MAP1A: variants seen among roughly 807,000 people sequenced by gnomAD.
MAP1A encodes the protein microtubule associated protein 1A.
In MAP1A, 42 loss-of-function variants were observed where a neutral mutation model predicts 185.9. That is an observed-to-expected ratio of 0.23 (90% CI 0.18 to 0.29). The LOEUF (loss-of-function observed/expected upper bound fraction) is 0.29. Ranked by LOEUF, MAP1A falls within the 10% of genes least tolerant of loss-of-function variation. The pLI, the probability that MAP1A is intolerant of heterozygous loss-of-function variation, is 1.00. For synonymous variants in MAP1A, 1,229 were observed against 1,335.9 expected (o/e 0.92, Z 1.74); for missense variants, 2,995 against 3,450.4 (o/e 0.87, Z 3.31).
chr15:43,517,067 G>T (rs778599676), upstream of MAP1A, among the ~76,000 whole-genome samples: 6 of 152,180 alleles, frequency 3.9e-5, no homozygotes, highest in Non-Finnish European at 8.8e-5. Context: ...CCTAAAATAA[G>T]ACTTATTTCT....
chr15:43,514,263 A>G (rs932837451), upstream of MAP1A, among the ~76,000 whole-genome samples: 2 of 152,228 alleles, frequency 1.3e-5, no homozygotes, highest in Non-Finnish European at 2.9e-5. Flanking sequence ...TGGTCTGTCT[A>G]TGTCACAGGA....
In MAP1A at chr15:43,526,285, C is replaced by G. The variant is rs1454861661; in HGVS notation, c.4812C>G (p.Val1604=). 8.1e-6 allele frequency: 13 copies of G among 1,614,016 alleles called. No homozygotes were observed. Among genetic ancestry groups the G allele is most frequent in the Non-Finnish European group, 1.1e-5 (13 of 1,180,046 alleles). Residue 1604 remains valine, a synonymous_variant, in exon 4 of 6, where the codon GTC becomes GTG. Transcript: ENST00000300231. This position sits in a 1 kb window ranked among gnomAD's most constrained non-coding sequence, Gnocchi z 4.7. The stretch of plus-strand genomic sequence containing the variant: ...TAGAGGAAAAATCCCCAGAAAAGGT[C>G]AAGGCCATGGAAGAGAAGTTAGAAG... The part of the protein sequence containing the change: ...KMLEEKSPEK[V]KAMEEKLEAL...
Position 43,524,023 on chromosome 15 carries a change from T to C in MAP1A, c.2550T>C (p.Ser850=), listed in dbSNP as rs956412180. The change falls in exon 4 of 6, where the codon TCT becomes TCC. Residue 850 remains serine (S), a synonymous_variant. Transcript: ENST00000300231. ...CCACATCAGTGGCTGAGGACCAATC[T>C]GTGGCCTCACTTACAGCTCCCCAGA... ...SFATSVAEDQ[S]VASLTAPQTE... 3 of 1,613,972 alleles carry C rather than the reference T, an allele frequency of 1.9e-6. No homozygotes were observed. Among genetic ancestry groups the C allele is most frequent in the Non-Finnish European group, 2.5e-6 (3 of 1,180,024 alleles).
rs778020902 is a variant in MAP1A, at chr15:43,524,534, C to T, written c.3061C>T (p.Pro1021Ser). 1.2e-6 allele frequency: 2 copies of T among 1,614,136 alleles called. No homozygotes were observed. Among genetic ancestry groups the T allele is most frequent in the Admixed American group, 3.3e-5 (2 of 60,014 alleles). The change falls in exon 4 of 6, where the codon CCC becomes TCC. Residue 1021 changes from proline (P) to serine (S), a missense_variant. Coordinates refer to ENST00000300231, the MANE Select transcript of MAP1A (RefSeq NM_002373.6). ...GTCCCCAGTGGAAGAAAAGTCTGAG[C>T]CCCAAGACTTTCAGGAGGCAGACTC... ...HQSPVEEKSE[P>S]QDFQEADSWG...
rs2079348354 is a variant in MAP1A, at chr15:43,527,195, G to A, written c.5722G>A (p.Asp1908Asn). The change falls in exon 4 of 6, where the codon GAC becomes AAC. Residue 1908 changes from aspartate to asparagine, a missense_variant. Physicochemically the swap from Asp to Asn is conservative, Grantham distance 23. This residue lies in a region of MAP1A where 2,728 missense variants were observed against 2,986.0 expected (regional missense o/e 0.91). Transcript: ENST00000300231. ...EGGPYSPLGK[D>N]YRKAEGEREE... ...TGGGCCATACTCCCCCCTGGGGAAG[G>A]ACTACCGCAAGGCTGAAGGGGAAAG... is the stretch of plus-strand genomic sequence containing the variant. The A allele has an allele frequency of 6.2e-7, 1 of 1,614,058 alleles. No homozygotes were observed. Among genetic ancestry groups the A allele is most frequent in the Non-Finnish European group, 8.5e-7 (1 of 1,179,994 alleles).
At chr15:43,518,871 G>A (rs962294197) in intron 1 of MAP1A, among the ~76,000 whole-genome samples, 7 of 152,204 alleles carry the variant, frequency 4.6e-5, no homozygotes, top group Non-Finnish European at 7.3e-5. Context: ...AGAGGCACAG[G>A]ATATAAACCA....
rs1317839687 is a variant in MAP1A, at chr15:43,523,745, G to A, written c.2272G>A (p.Glu758Lys). The A allele has an allele frequency of 6.2e-7, 1 of 1,614,046 alleles. No homozygotes were observed. Among genetic ancestry groups the A allele is most frequent in the Non-Finnish European group, 8.5e-7 (1 of 1,179,994 alleles). The change falls in exon 4 of 6, where the codon GAG (glutamate) becomes AAG (lysine). Residue 758 changes from glutamate (E) to lysine (K), a missense_variant. By Grantham distance (56) the Glu-to-Lys change is moderately conservative. Coordinates refer to ENST00000300231, the MANE Select transcript of MAP1A (RefSeq NM_002373.6). ...QTISDEEIHDEPEERPAPPRF... is the reference protein window; with the variant it reads ...QTISDEEIHDKPEERPAPPRF... ...CATCTCAGATGAGGAGATCCATGAT[G>A]AGCCGGAGGAGCGCCCAGCTCCACC...
intron 1 of MAP1A, among the ~76,000 whole-genome samples, chr15:43,520,384 G>A (rs959079748): frequency 6.6e-6 from 1 of 152,124 alleles, no homozygotes; most frequent in African/African-American, 2.4e-5. Flanking sequence ...AGAGGGATGG[G>A]GGCACAGGCA....
Position 43,526,811 on chromosome 15 carries a change from T to G in MAP1A, c.5338T>G (p.Leu1780Val). Residue 1780 changes from leucine (L) to valine (V), a missense_variant, in exon 4 of 6, where the codon TTG becomes GTG. Leu to Val is a conservative substitution (Grantham distance 32). Transcript: ENST00000300231. The surrounding 1 kb of genome is among the most constrained non-coding windows in gnomAD (Gnocchi z 4.7). ...ERWLAESPVG[L>V]PPEEEDKLTR... ...CTGGCTTGCTGAATCACCAGTTGGG[T>G]TGCCACCAGAGGAAGAGGACAAACT... The G allele has an allele frequency of 6.2e-7, 1 of 1,614,000 alleles. No individual in the cohort carries two copies. The highest frequency in any genetic ancestry group is 8.5e-7 in the Non-Finnish European group (1 of 1,179,970).
Position 43,528,099 on chromosome 15 carries a change from C to T in MAP1A, c.6626C>T (p.Pro2209Leu), listed in dbSNP as rs1421299075. 2.5e-6 allele frequency: 4 copies of T among 1,613,946 alleles called. No individual in the cohort carries two copies. The highest frequency in any genetic ancestry group is 3.4e-6 in the Non-Finnish European group (4 of 1,180,018). ...GCTCTGGCTCTGGCTCCAGGACCCC[C>T]CACCAGAACCCGGCATGATGAATAC... ...DRALALAPGP[P>L]TRTRHDEYLE... is the part of the protein sequence containing the mutation. The change falls in exon 4 of 6, where the codon CCC becomes CTC. Residue 2209 changes from proline (P) to leucine (L), a missense_variant. By Grantham distance (98) the Pro-to-Leu change is moderately conservative. Around this residue, in one of 3 missense-constraint regions of MAP1A, gnomAD observed 2,728 missense variants for 2,986.0 expected, o/e 0.91. Transcript: ENST00000300231.
rs753993861 is a variant in MAP1A, at chr15:43,524,609, G to A, written c.3136G>A (p.Glu1046Lys). Residue 1046 changes from glutamate to lysine, a missense_variant, in exon 4 of 6, where the codon GAG becomes AAG. This residue lies in a region of MAP1A where 2,728 missense variants were observed against 2,986.0 expected (regional missense o/e 0.91). Coordinates refer to ENST00000300231, the MANE Select transcript of MAP1A (RefSeq NM_002373.6). ...TPGVGKEDAA[E>K]ETVKPGPEEG... ...AGGTGTGGGCAAAGAAGATGCTGCT[G>A]AGGAGACAGTCAAGCCAGGGCCTGA... The A allele has an allele frequency of 6.2e-7, 1 of 1,614,166 alleles. No homozygotes were observed. Among genetic ancestry groups the A allele is most frequent in the East Asian group, 2.2e-5 (1 of 44,882 alleles).
chr15:43,523,569 T>C lies in MAP1A; in HGVS notation c.2096T>C (p.Phe699Ser), dbSNP rs769739356. ...GTAACTCCAAGGAGCCGGGAGGCTT[T>C]TGGGGGTCGGGAATTGGGACTCCAG... The part of the protein sequence containing the change: ...LKVTPRSREA[F>S]GGRELGLQGK... Residue 699 changes from phenylalanine to serine, a missense_variant, in exon 4 of 6, where the codon TTT (phenylalanine) becomes TCT (serine). Phe to Ser is a radical substitution (Grantham distance 155, BLOSUM62 -2). Transcript: ENST00000300231. 7 of 1,614,066 alleles carry C rather than the reference T, an allele frequency of 4.3e-6. No individual in the cohort carries two copies. Among genetic ancestry groups the C allele is most frequent in the Non-Finnish European group, 4.2e-6 (5 of 1,180,002 alleles).
chr15:43,513,281 C>T (rs1325522228), upstream of MAP1A, among the ~76,000 whole-genome samples: 2 of 151,490 alleles, frequency 1.3e-5, no homozygotes, highest in Non-Finnish European at 2.9e-5. Flanking sequence ...GAGCCAAGAT[C>T]GTGCCATTGC....
rs568161996 is a variant in MAP1A at position 43,522,181 on chromosome 15, G to C, written c.708G>C (p.Glu236Asp). ...KTGIVLPNGK[E>D]AEISVPYLTS... The stretch of plus-strand genomic sequence containing the variant: ...GCATCGTGCTGCCCAATGGGAAGGA[G>C]GCTGAGATCTCCGTGCCCTACCTTA... Residue 236 changes from glutamate to aspartate, a missense_variant, in exon 4 of 6, where the codon GAG becomes GAC. Physicochemically the swap from Glu to Asp is conservative, Grantham distance 45. This residue lies in a region of MAP1A where 264 missense variants were observed against 435.3 expected (regional missense o/e 0.61). Transcript: ENST00000300231. This position sits in a 1 kb window ranked among gnomAD's most constrained non-coding sequence, Gnocchi z 5.9. The C allele has an allele frequency of 7.4e-6, 12 of 1,614,270 alleles. No individual in the cohort carries two copies. The South Asian group carries it at 1.3e-4, about 18-fold the overall frequency.
chr15:43,530,648 T>G lies in MAP1A; in HGVS notation c.*424T>G. The G allele has an allele frequency of 5.4e-6, 1 of 185,728 alleles. No individual in the cohort carries two copies. The highest frequency in any genetic ancestry group is 1.3e-4 in the East Asian group (1 of 7,442). The allele number at this position is 185,728 out of a possible 1,614,324, so 11.5% of individuals were successfully genotyped here. A position where few individuals can be genotyped will look rare whatever the true frequency, so the allele number is the denominator to read the frequency against. On this transcript the variant is annotated 3_prime_UTR_variant, in exon 6 of 6. Coordinates refer to ENST00000300231, the MANE Select transcript of MAP1A (RefSeq NM_002373.6). The stretch of plus-strand genomic sequence containing the variant: ...CCTGGGAGGGATTTCCAATAGTAAT[T>G]TATGTGACCTGGGGCAGGATACCGT...
chr15:43,523,773 GAT>G lies in MAP1A; in HGVS notation c.2301_2302del (p.Arg767SerfsTer7). 3 of 1,614,098 alleles carry G rather than the reference GAT, an allele frequency of 1.9e-6. No individual in the cohort carries two copies. Among genetic ancestry groups the G allele is most frequent in the Non-Finnish European group, 2.5e-6 (3 of 1,180,018 alleles). ...CCGGAGGAGCGCCCAGCTCCACCCAGATTTCATACAAGTACATATGACCTGCC... is the reference window on the plus strand; with the variant it reads ...CCGGAGGAGCGCCCAGCTCCACCCAGTTCATACAAGTACATATGACCTGCC... On this transcript the variant is annotated frameshift_variant, in exon 4 of 6. Transcript: ENST00000300231. LOFTEE classifies it high-confidence loss of function.
Position 43,511,750 on chromosome 15 carries a change from G to C in MAP1A, c.239-440G>C, listed in dbSNP as rs560955303. Among the ~76,000 whole-genome samples the C allele has an allele frequency of 2.0e-5, 3 of 152,318 alleles. No individual in the cohort carries two copies. In the East Asian group the frequency reaches 5.8e-4, roughly 29 times the overall value. On this transcript the variant is annotated intron_variant, in intron 1 of 6. Transcript: ENST00000382031. The stretch of plus-strand genomic sequence containing the variant: ...CCTGTGGCTGTGGTGCAGTGCTGCG[G>C]AGCCACCTGCGGGTGGAAGCAAGCT...
Position 43,523,849 on chromosome 15 carries a change from T to C in MAP1A, c.2376T>C (p.Ser792=), listed in dbSNP as rs1450936400. 1 of 1,614,152 alleles carries C rather than the reference T, an allele frequency of 6.2e-7. No homozygotes were observed. The highest frequency in any genetic ancestry group is 1.1e-5 in the South Asian group (1 of 91,076). ...GPFEASQPAD[S]AVPATSGKVY... is the part of the protein sequence containing the mutation. ...TCGAAGCCAGCCAACCTGCCGATAGTGCTGTTCCTGCTACCTCTGGCAAAG... is the reference window on the plus strand; with the variant it reads ...TCGAAGCCAGCCAACCTGCCGATAGCGCTGTTCCTGCTACCTCTGGCAAAG... Residue 792 remains serine (S), a synonymous_variant, in exon 4 of 6, where the codon AGT becomes AGC. Coordinates refer to ENST00000300231, the MANE Select transcript of MAP1A (RefSeq NM_002373.6).
chr15:43,529,174 C>T lies in MAP1A; in HGVS notation c.7701C>T (p.Asp2567=), dbSNP rs767634450. ...GHDPPPLPQP[D]PRPSPPRPDV... ...ACCCACCTCCTCTCCCACAGCCAGACCCCCGCCCATCCCCTCCCCGCCCTG... is the reference window on the plus strand; with the variant it reads ...ACCCACCTCCTCTCCCACAGCCAGATCCCCGCCCATCCCCTCCCCGCCCTG... The change falls in exon 4 of 6, where the codon GAC becomes GAT. Residue 2567 remains aspartate, a synonymous_variant. Coordinates refer to ENST00000300231, the MANE Select transcript of MAP1A (RefSeq NM_002373.6). The surrounding 1 kb of genome is among the most constrained non-coding windows in gnomAD (Gnocchi z 4.3). 6 of 1,612,448 alleles carry T rather than the reference C, an allele frequency of 3.7e-6. No homozygotes were observed. In the South Asian group the frequency reaches 6.6e-5, roughly 18 times the overall value.
Sources: allele counts gnomAD v4.1 joint callset (sites outside exome capture counted in the v4.1 genomes callset), GRCh38; gene constraint gnomAD v4.1.1; regional missense constraint gnomAD v4.1.1; non-coding constraint Gnocchi (gnomAD v3.1); transcripts MANE v1.5; gene names NCBI Gene and HGNC (gene_info 2026-07-23, HGNC 2026-07-21).